MTA3: variants seen among roughly 807,000 people sequenced by gnomAD.
MTA3 encodes metastasis associated 1 family member 3.
In MTA3, 34 loss-of-function variants were observed where a neutral mutation model predicts 83.5. That is an observed-to-expected ratio of 0.41 (90% CI 0.31 to 0.54). The LOEUF (loss-of-function observed/expected upper bound fraction) is 0.54, where lower values mean the gene tolerates loss of function less well. MTA3 is among the 20% of genes least tolerant of loss of function. The pLI is 0.33. For missense variants in MTA3, 761 were observed against 726.4 expected (o/e 1.05, Z -0.55); for synonymous variants, 303 against 252.7 (o/e 1.20, Z -1.89).
chr2:42,553,773 A>G (rs1677238597), intron 2 of MTA3, among the ~76,000 whole-genome samples: 1 of 151,060 alleles, frequency 6.6e-6, no homozygotes, highest in South Asian at 2.1e-4. Context: ...CTTGAAAAGC[A>G]TCATGCATAC....
intron 2 of MTA3, among the ~76,000 whole-genome samples, chr2:42,545,335 A>C (rs1477152026): frequency 6.6e-6 from 1 of 152,132 alleles, no homozygotes; most frequent in East Asian, 1.9e-4. Flanking sequence ...CCGTGATCAT[A>C]CCACTGCATT....
At chr2:42,560,551 T>G (rs1457365724) in intron 2 of MTA3, among the ~76,000 whole-genome samples, 2 of 128,110 alleles carry the variant, frequency 1.6e-5, no homozygotes, top group African/African-American at 5.8e-5. Context: ...GACTCCATCT[T>G]AAAAAAAAAA....
At chr2:42,746,644 C>G (rs1168289878) in intron 16 of MTA3, among the ~76,000 whole-genome samples, 6 of 152,220 alleles carry the variant, frequency 3.9e-5, no homozygotes, top group African/African-American at 1.4e-4. Flanking sequence ...AATTCCACAA[C>G]CCCCTCCTTG....
chr2:42,671,831 T>C (rs1690822418), intron 8 of MTA3, among the ~76,000 whole-genome samples: 1 of 152,192 alleles, frequency 6.6e-6, no homozygotes, highest in South Asian at 2.1e-4. Context: ...CTCCCCAGTA[T>C]TTTGCTCCCT....
intron 4 of MTA3, among the ~76,000 whole-genome samples, chr2:42,636,320 G>A (rs754165864): frequency 5.9e-5 from 9 of 152,038 alleles, no homozygotes; most frequent in Non-Finnish European, 1.0e-4. Context: ...TGGGAGGATC[G>A]CTTGAGCCAG....
At chr2:42,517,104 AC>A (rs1336515672) in intron 2 of MTA3, among the ~76,000 whole-genome samples, 4 of 152,004 alleles carry the variant, frequency 2.6e-5, no homozygotes, top group Non-Finnish European at 5.9e-5. Context: ...TACTAAAAAT[AC>A]AAAAATAAAC....
chr2:42,529,745 T>A (rs1675871601), intron 2 of MTA3, among the ~76,000 whole-genome samples: 1 of 152,192 alleles, frequency 6.6e-6, no homozygotes, highest in South Asian at 2.1e-4. Flanking sequence ...GCCCTACAAC[T>A]GAAGTTGTTA....
At chr2:42,661,531 A>C (rs985113965) in intron 8 of MTA3, among the ~76,000 whole-genome samples, 1 of 150,242 alleles carries the variant, frequency 6.7e-6, no homozygotes, top group Admixed American at 6.7e-5. Flanking sequence ...AAAAAAAAGA[A>C]AAAGATATTT....
At chr2:42,745,762 A>T (rs1006405286) in intron 16 of MTA3, among the ~76,000 whole-genome samples, 10 of 149,348 alleles carry the variant, frequency 6.7e-5, no homozygotes, top group Middle Eastern at 3.4e-3. Context: ...TTCATATATT[A>T]AAAAATTCTG....
At chr2:42,628,772 C>CTT (rs1362469763) in intron 4 of MTA3, among the ~76,000 whole-genome samples, 1,248 of 37,342 alleles carry the variant, frequency 0.033, 16 homozygotes, top group African/African-American at 0.11. Flanking sequence ...CATTTCCACC[C>CTT]TTTTTTTTTT....
At chr2:42,721,623 C>T (rs186255902) in intron 15 of MTA3, among the ~76,000 whole-genome samples, 2 of 152,304 alleles carry the variant, frequency 1.3e-5, no homozygotes, top group East Asian at 3.9e-4. Flanking sequence ...GCCACTGCAC[C>T]TGGCCAATGA....
At chr2:42,599,934 C>T (rs572000373) in intron 3 of MTA3, among the ~76,000 whole-genome samples, 77 of 151,974 alleles carry the variant, frequency 5.1e-4, no homozygotes, top group Non-Finnish European at 9.1e-4. Context: ...TGGTGGCTCA[C>T]GCTTGTAATC....
chr2:42,674,227 A>T (rs1217049887), intron 8 of MTA3, among the ~76,000 whole-genome samples: 1 of 152,208 alleles, frequency 6.6e-6, no homozygotes, highest in Non-Finnish European at 1.5e-5. Context: ...GCCCAACATC[A>T]GTGGAGTGGA....
intron 9 of MTA3, among the ~76,000 whole-genome samples, chr2:42,684,816 C>G (rs1692227837): frequency 6.6e-6 from 1 of 152,158 alleles, no homozygotes; most frequent in African/African-American, 2.4e-5. Flanking sequence ...TGCAAAAAGG[C>G]ACTAGGCATG....
chr2:42,652,772 A>G (rs1449727592), intron 6 of MTA3, among the ~76,000 whole-genome samples: 2 of 152,312 alleles, frequency 1.3e-5, no homozygotes, highest in South Asian at 2.1e-4. Context: ...GTGACTTTAA[A>G]AAATTATAGT....
At chr2:42,736,403 G>T (rs1001866095) in intron 16 of MTA3, among the ~76,000 whole-genome samples, 7 of 152,256 alleles carry the variant, frequency 4.6e-5, no homozygotes, top group Middle Eastern at 3.4e-3. Flanking sequence ...ACACAGCACT[G>T]GGGCTCACCC....
chr2:42,540,024 C>A (rs1036251062), intron 2 of MTA3, among the ~76,000 whole-genome samples: 1 of 152,140 alleles, frequency 6.6e-6, no homozygotes, highest in Non-Finnish European at 1.5e-5. Context: ...GCACCTTCCT[C>A]CCTCTCTCTG....
chr2:42,605,258 G>T (rs1315765060), intron 3 of MTA3, among the ~76,000 whole-genome samples: 4 of 97,736 alleles, frequency 4.1e-5, no homozygotes, highest in Admixed American at 9.8e-5. Flanking sequence ...CTGGCCGGGC[G>T]GGGGGCTGAC....
intron 14 of MTA3, among the ~76,000 whole-genome samples, chr2:42,718,174 G>T (rs550620347): frequency 7.0e-6 from 1 of 142,164 alleles, no homozygotes; most frequent in Non-Finnish European, 1.5e-5. Context: ...CATGGTTATT[G>T]TAGGCATGAC....
Sources: gnomAD v4.1 joint callset for allele counts (sites outside exome capture counted in the v4.1 genomes callset) on GRCh38, gnomAD v4.1.1 for gene constraint, MANE v1.5 for transcripts, NCBI Gene and HGNC (gene_info 2026-07-23, HGNC 2026-07-21) for gene names.